The following TBC1D5 variants were observed in gnomAD, a reference collection of about 807,000 sequenced individuals.
TBC1D5 encodes TBC1 domain family member 5, also known as TBC1 domain family, member 5.
A neutral mutation model predicts 100.3 loss-of-function variants in TBC1D5; 75 were observed. That is an observed-to-expected ratio of 0.75 (90% CI 0.62 to 0.91). TBC1D5 has a LOEUF of 0.91. Among genes scored for constraint, TBC1D5 ranks in the 40% least tolerant of loss-of-function variants. TBC1D5 has a pLI of 0.00. For missense variants in TBC1D5, 910 were observed against 942.4 expected (o/e 0.97, Z 0.45); for synonymous variants, 323 against 325.6 (o/e 0.99, Z 0.09).
At chr3:17,388,518 T>C (rs1017551836) in intron 8 of TBC1D5, among the ~76,000 whole-genome samples, 4 of 152,030 alleles carry the variant, frequency 2.6e-5, no homozygotes, top group Admixed American at 2.6e-4. Context: ...CTGTAAATAC[T>C]GCAATGTGTA....
At chr3:17,713,001 G>C (rs756368032) in intron 1 of TBC1D5, among the ~76,000 whole-genome samples, 6 of 151,982 alleles carry the variant, frequency 3.9e-5, no homozygotes, top group Non-Finnish European at 8.8e-5. Flanking sequence ...CAAACTCCCT[G>C]CAGCATATGA....
intron 3 of TBC1D5, among the ~76,000 whole-genome samples, chr3:17,501,676 T>C (rs1026508096): frequency 1.3e-5 from 2 of 149,352 alleles, no homozygotes; most frequent in Admixed American, 6.6e-5. Flanking sequence ...AATCCATCAA[T>C]GAATTCTTCA....
At chr3:17,687,974 A>G (rs2070557238) in intron 1 of TBC1D5, among the ~76,000 whole-genome samples, 1 of 152,222 alleles carries the variant, frequency 6.6e-6, no homozygotes, top group Non-Finnish European at 1.5e-5. Flanking sequence ...AAAGAAAATG[A>G]AAGAGGTACT....
At chr3:17,207,091 T>C (rs1214977855) in intron 18 of TBC1D5, among the ~76,000 whole-genome samples, 1 of 152,142 alleles carries the variant, frequency 6.6e-6, no homozygotes, top group Non-Finnish European at 1.5e-5. Flanking sequence ...CATGCCACTA[T>C]GCCCAGCTAA....
At chr3:17,516,274 T>G (rs1487256851) in intron 2 of TBC1D5, among the ~76,000 whole-genome samples, 1 of 152,124 alleles carries the variant, frequency 6.6e-6, no homozygotes, top group Non-Finnish European at 1.5e-5. Context: ...AAAACATACT[T>G]TTTTATTAGA....
chr3:17,346,283 C>T (rs1414131996), intron 13 of TBC1D5, among the ~76,000 whole-genome samples: 1 of 152,042 alleles, frequency 6.6e-6, no homozygotes, highest in Admixed American at 6.6e-5. Context: ...ATTATTTTGG[C>T]TTCACCTTTG....
chr3:17,642,463 C>A (rs966567856), intron 1 of TBC1D5, among the ~76,000 whole-genome samples: 1 of 152,092 alleles, frequency 6.6e-6, no homozygotes, highest in South Asian at 2.1e-4. Flanking sequence ...GAGTCAGTAT[C>A]CGTCAGAACT....
intron 19 of TBC1D5, among the ~76,000 whole-genome samples, chr3:17,169,102 TC>T (rs2066924430): frequency 1.3e-5 from 2 of 152,148 alleles, no homozygotes; most frequent in Admixed American, 1.3e-4. Flanking sequence ...CCCAAATGAC[TC>T]TCCAGTCTCT....
At chr3:17,425,925 T>C (rs1327987615) in intron 4 of TBC1D5, among the ~76,000 whole-genome samples, 1 of 151,980 alleles carries the variant, frequency 6.6e-6, no homozygotes, top group African/African-American at 2.4e-5. Flanking sequence ...TTTAAAACAG[T>C]TGTGGGAAGG....
At chr3:17,497,417 G>GA (rs2095727054) in intron 3 of TBC1D5, among the ~76,000 whole-genome samples, 1 of 152,228 alleles carries the variant, frequency 6.6e-6, no homozygotes. Context: ...GATACTGGAT[G>GA]ATCAACAAAT....
chr3:17,182,738 A>G (rs1229747747), intron 19 of TBC1D5, among the ~76,000 whole-genome samples: 2 of 152,224 alleles, frequency 1.3e-5, no homozygotes, highest in East Asian at 3.8e-4. Context: ...ATACAACTAT[A>G]TAAGCTATCT....
chr3:17,224,024 A>G (rs1420860009), intron 17 of TBC1D5, among the ~76,000 whole-genome samples: 5 of 152,226 alleles, frequency 3.3e-5, no homozygotes, highest in African/African-American at 7.2e-5. Context: ...ATTATTTCAA[A>G]ATGACAAAAA....
rs149747258 is a variant in TBC1D5, at chr3:17,208,097, G to A, written c.1752+6110C>T. 1.8e-4 allele frequency among the ~76,000 whole-genome samples: 27 copies of A among 152,340 alleles called. 1 individual carries two copies. In the East Asian group the frequency reaches 4.0e-3, roughly 23 times the overall value. On this transcript the variant is annotated intron_variant, in intron 18 of 21. Transcript: ENST00000253692. ...TATCACATCACACTGGCCTGGAAAC[G>A]AAAGCAAATTGGATCCATGTATGGT...
At chr3:17,656,759 C>A (rs894247440) in intron 1 of TBC1D5, among the ~76,000 whole-genome samples, 3 of 152,058 alleles carry the variant, frequency 2.0e-5, no homozygotes, top group Non-Finnish European at 4.4e-5. Context: ...GCATTTCATA[C>A]ACTTTCATAT....
chr3:17,399,887 T>C (rs1464554785), intron 8 of TBC1D5, among the ~76,000 whole-genome samples: 1 of 152,134 alleles, frequency 6.6e-6, no homozygotes, highest in East Asian at 1.9e-4. Context: ...GTTCTTCAGA[T>C]GTCTGGCCTT....
At position 17,714,409 on chromosome 3, in the gene TBC1D5, T is replaced by C. The variant is rs997318494; in HGVS notation, c.-101+24934A>G. 3.9e-5 allele frequency among the ~76,000 whole-genome samples: 6 copies of C among 152,126 alleles called. No individual in the cohort carries two copies. In the South Asian group the frequency reaches 1.2e-3, roughly 32 times the overall value. ...TATAACATGCATCATCAGAAAAAAC[T>C]TGTGAGAACTCTAAGCTTCCACCTT... On this transcript the variant is annotated intron_variant, in intron 1 of 21. Coordinates refer to ENST00000253692, the Ensembl canonical transcript of TBC1D5.
intron 3 of TBC1D5, among the ~76,000 whole-genome samples, chr3:17,504,406 G>A (rs973504294): frequency 2.6e-5 from 4 of 151,422 alleles, no homozygotes; most frequent in Non-Finnish European, 5.9e-5. Context: ...TGCACATTGT[G>A]CACATGTACC....
At position 17,519,730 on chromosome 3, in the gene TBC1D5, T is replaced by C. The variant is rs1482154729; in HGVS notation, c.-35-11125A>G. Among the ~76,000 whole-genome samples, 5 of 152,326 alleles carry C rather than the reference T, an allele frequency of 3.3e-5. No homozygotes were observed. In the South Asian group the frequency reaches 1.0e-3, roughly 32 times the overall value. The stretch of plus-strand genomic sequence containing the variant: ...ATGAGGACTAATTGAGCTATACTTG[T>C]TCTACACAGAAGCACACAAATTGAA... On this transcript the variant is annotated intron_variant, in intron 2 of 21. Transcript: ENST00000253692.
intron 3 of TBC1D5, among the ~76,000 whole-genome samples, chr3:17,438,302 T>C (rs912653552): frequency 6.6e-6 from 1 of 152,108 alleles, no homozygotes; most frequent in Admixed American, 6.5e-5. Flanking sequence ...CTTGGAGAAA[T>C]AGTATTAAGG....
Sources: allele counts gnomAD v4.1 joint callset (sites outside exome capture counted in the v4.1 genomes callset), GRCh38; gene constraint gnomAD v4.1.1; transcripts MANE v1.5; gene names NCBI Gene and HGNC (gene_info 2026-07-23, HGNC 2026-07-21).